Variants in HMX3 observed in about 807,000 individuals in gnomAD.
HMX3 encodes the protein homeobox protein HMX3.
In HMX3, 8 loss-of-function variants were observed where a neutral mutation model predicts 22.8. The observed-to-expected ratio is 0.35, with a 90% confidence interval of 0.21 to 0.63. The LOEUF is 0.63. Among genes scored for constraint, HMX3 ranks in the 30% least tolerant of loss-of-function variants. The pLI is 0.72. For synonymous variants in HMX3, 331 were observed against 250.9 expected (o/e 1.32, Z -3.02); for missense variants, 527 against 520.6 (o/e 1.01, Z -0.12).
Position 123,137,076 on chromosome 10 carries a change from TGA to T in HMX3, c.424_425del (p.Asp142LeufsTer75). ...TCCCCAGCCTCGGAGAAGGCCTTGC[TGA>T]GAGACTCCTCCCCCGCCTCCGGCAC... On this transcript the variant is annotated frameshift_variant, in exon 2 of 2. Transcript: ENST00000357878. LOFTEE classifies it high-confidence loss of function. This position sits in a 1 kb window ranked among gnomAD's most constrained non-coding sequence, Gnocchi z 5.8. 1 of 1,610,048 alleles carries T rather than the reference TGA, an allele frequency of 6.2e-7. No individual in the cohort carries two copies. Among genetic ancestry groups the T allele is most frequent in the Non-Finnish European group, 8.5e-7 (1 of 1,178,742 alleles).
Position 123,136,479 on chromosome 10 carries a change from T to TC in HMX3, c.400+34dup. ...CCGACCTCTCTTTGAACTTTCGTTG[T>TC]CCCCCTGCGCGCCCGCCCCGTCCCC... On this transcript the variant is annotated intron_variant, in intron 1 of 1. Coordinates refer to ENST00000357878, the MANE Select transcript of HMX3 (RefSeq NM_001105574.2). The surrounding 1 kb of genome is among the most constrained non-coding windows in gnomAD (Gnocchi z 4.8). 7.5e-7 allele frequency: 1 copy of TC among 1,330,924 alleles called. No individual in the cohort carries two copies. Among genetic ancestry groups the TC allele is most frequent in the Non-Finnish European group, 9.7e-7 (1 of 1,030,874 alleles). 82.4% of individuals were successfully genotyped at this position (1,330,924 alleles called of 1,614,324 possible).
chr10:123,137,289 A>G lies in HMX3; in HGVS notation c.632A>G (p.Asp211Gly). Residue 211 changes from aspartate (D) to glycine (G), a missense_variant, in exon 2 of 2, where the codon GAC becomes GGC. Transcript: ENST00000357878. The surrounding 1 kb of genome is among the most constrained non-coding windows in gnomAD (Gnocchi z 5.8). ...GAAAATPGAE[D>G]WKKGAESPEK... ...GCGGCGGCCACTCCGGGCGCAGAAGACTGGAAGAAGGGCGCTGAAAGTCCA... is the reference window on the plus strand; with the variant it reads ...GCGGCGGCCACTCCGGGCGCAGAAGGCTGGAAGAAGGGCGCTGAAAGTCCA... 6.2e-7 allele frequency: 1 copy of G among 1,601,176 alleles called. No homozygotes were observed. The highest frequency in any genetic ancestry group is 8.5e-7 in the Non-Finnish European group (1 of 1,174,172).
Position 123,138,047 on chromosome 10 carries a change from C to A in HMX3, c.*316C>A, listed in dbSNP as rs763637878. Among the ~76,000 whole-genome samples, 1 of 152,148 alleles carries A rather than the reference C, an allele frequency of 6.6e-6. No homozygotes were observed. The highest frequency in any genetic ancestry group is 2.4e-5 in the African/African-American group (1 of 41,414). The stretch of plus-strand genomic sequence containing the variant: ...CGATAGTTTTTGTAAAATGTGCAGC[C>A]CTCCCTTCCAAATTTCCATTGCGCG... On this transcript the variant is annotated 3_prime_UTR_variant, in exon 2 of 2. Transcript: ENST00000357878.
Position 123,139,070 on chromosome 10 carries a change from G to T in HMX3, c.*1339G>T, listed in dbSNP as rs1429002883. Among the ~76,000 whole-genome samples the T allele has an allele frequency of 6.6e-6, 1 of 152,276 alleles. No individual in the cohort carries two copies. The highest frequency in any genetic ancestry group is 2.4e-5 in the African/African-American group (1 of 41,546). ...AAAGAAAAAAGTAGGCAGGGGAAAGGGGGGAAGAAAGAAACAAGCTTAGGT... is the reference window on the plus strand; with the variant it reads ...AAAGAAAAAAGTAGGCAGGGGAAAGTGGGGAAGAAAGAAACAAGCTTAGGT... On this transcript the variant is annotated 3_prime_UTR_variant, in exon 2 of 2. Transcript: ENST00000357878.
Position 123,136,089 on chromosome 10 carries a change from C to G in HMX3, c.39C>G (p.Ser13Arg), listed in dbSNP as rs1384925293. Residue 13 changes from serine to arginine, a missense_variant, in exon 1 of 2, where the codon AGC (serine) becomes AGG (arginine). By Grantham distance (110) the Ser-to-Arg change is moderately radical. This residue lies in a region of HMX3 where 386 missense variants were observed against 337.8 expected (regional missense o/e 1.14). Transcript: ENST00000357878. This position sits in a 1 kb window ranked among gnomAD's most constrained non-coding sequence, Gnocchi z 4.8. ...EPGPDAAGTA[S>R]AQPQPPPPPP... ...GGCCGGACGCTGCCGGCACCGCCAGCGCACAGCCCCAACCGCCGCCGCCCC... is the reference window on the plus strand; with the variant it reads ...GGCCGGACGCTGCCGGCACCGCCAGGGCACAGCCCCAACCGCCGCCGCCCC... 1 of 1,401,356 alleles carries G rather than the reference C, an allele frequency of 7.1e-7. No homozygotes were observed. The highest frequency in any genetic ancestry group is 3.1e-5 in the East Asian group (1 of 32,720). 86.8% of individuals were successfully genotyped at this position (1,401,356 alleles called of 1,614,324 possible).
At position 123,137,133 on chromosome 10, in the gene HMX3, A is replaced by T. The variant is rs1191541647; in HGVS notation, c.476A>T (p.Lys159Met). The T allele has an allele frequency of 6.2e-7, 1 of 1,609,652 alleles. No homozygotes were observed. Among genetic ancestry groups the T allele is most frequent in the Non-Finnish European group, 8.5e-7 (1 of 1,178,366 alleles). Residue 159 changes from lysine to methionine, a missense_variant, in exon 2 of 2, where the codon AAG becomes ATG. Transcript: ENST00000357878. The surrounding 1 kb of genome is among the most constrained non-coding windows in gnomAD (Gnocchi z 5.8). ...TDRDSPEPLL[K>M]ADPDHKELDS... ...CGCGACTCTCCGGAGCCACTGCTCA[A>T]GGCCGACCCCGATCACAAGGAGCTG...
rs1228995178 is a variant in HMX3 at position 123,139,246 on chromosome 10, C to T, written c.*1515C>T. On this transcript the variant is annotated 3_prime_UTR_variant, in exon 2 of 2. Coordinates refer to ENST00000357878, the MANE Select transcript of HMX3 (RefSeq NM_001105574.2). ...AGGGCTCCTGGCTCTGTCACCCAAT[C>T]TGTTTTCTTTCTGTCGGTACACCTG... is the stretch of plus-strand genomic sequence containing the variant. Among the ~76,000 whole-genome samples, 1 of 152,114 alleles carries T rather than the reference C, an allele frequency of 6.6e-6. No individual in the cohort carries two copies. The highest frequency in any genetic ancestry group is 1.5e-5 in the Non-Finnish European group (1 of 68,028).
At position 123,137,622 on chromosome 10, in the gene HMX3, C is replaced by A; in HGVS notation, c.965C>A (p.Ala322Glu). 1 of 1,546,276 alleles carries A rather than the reference C, an allele frequency of 6.5e-7. No homozygotes were observed. Reference sequence around the variant, plus strand: ...TCGGCGGCCGAGGGCGCGGCGGCTGCAGCCGCGGGGGCCCCGGTGCCAGTC... The same window carrying A: ...TCGGCGGCCGAGGGCGCGGCGGCTGAAGCCGCGGGGGCCCCGGTGCCAGTC... The part of the protein sequence containing the change: ...ENSAAEGAAA[A>E]AAGAPVPVSQ... The change falls in exon 2 of 2, where the codon GCA becomes GAA. Residue 322 changes from alanine (A) to glutamate (E), a missense_variant. Coordinates refer to ENST00000357878, the MANE Select transcript of HMX3 (RefSeq NM_001105574.2). This position sits in a 1 kb window ranked among gnomAD's most constrained non-coding sequence, Gnocchi z 5.8.
Position 123,136,386 on chromosome 10 carries a change from C to G in HMX3, c.336C>G (p.Arg112=). ...RFALPAHYLE[R]SPAWWYPYTL... is the part of the protein sequence containing the mutation. ...CCCTGCCCGCGCACTACCTGGAGCG[C>G]TCCCCAGCCTGGTGGTACCCCTACA... Residue 112 remains arginine, a synonymous_variant, in exon 1 of 2, where the codon CGC becomes CGG. Coordinates refer to ENST00000357878, the MANE Select transcript of HMX3 (RefSeq NM_001105574.2). The surrounding 1 kb of genome is among the most constrained non-coding windows in gnomAD (Gnocchi z 4.8). The G allele has an allele frequency of 6.4e-7, 1 of 1,561,308 alleles. No individual in the cohort carries two copies. Among genetic ancestry groups the G allele is most frequent in the East Asian group, 2.6e-5 (1 of 38,854 alleles).
chr10:123,138,772 A>G lies in HMX3; in HGVS notation c.*1041A>G, dbSNP rs190117365. Among the ~76,000 whole-genome samples, 4 of 152,380 alleles carry G rather than the reference A, an allele frequency of 2.6e-5. No homozygotes were observed. In the East Asian group the frequency reaches 7.7e-4, roughly 29 times the overall value. On this transcript the variant is annotated 3_prime_UTR_variant, in exon 2 of 2. Transcript: ENST00000357878. ...AACAGCTCCATATCTGGCCTGGTCT[A>G]AGTGGTCTTATTTATTAGTAGCATT... is the stretch of plus-strand genomic sequence containing the variant.
chr10:123,136,398 G>C lies in HMX3; in HGVS notation c.348G>C (p.Trp116Cys). The C allele has an allele frequency of 1.9e-6, 3 of 1,559,510 alleles. No homozygotes were observed. The highest frequency in any genetic ancestry group is 1.7e-4 in the Middle Eastern group (1 of 5,900). ...PAHYLERSPA[W>C]WYPYTLTPAG... The stretch of plus-strand genomic sequence containing the variant: ...ACTACCTGGAGCGCTCCCCAGCCTG[G>C]TGGTACCCCTACACCCTGACCCCCG... The change falls in exon 1 of 2, where the codon TGG becomes TGC. Residue 116 changes from tryptophan to cysteine, a missense_variant. Around this residue, in one of 3 missense-constraint regions of HMX3, gnomAD observed 386 missense variants for 337.8 expected, o/e 1.14. Coordinates refer to ENST00000357878, the MANE Select transcript of HMX3 (RefSeq NM_001105574.2). The surrounding 1 kb of genome is among the most constrained non-coding windows in gnomAD (Gnocchi z 4.8).
rs2421173 is a variant in HMX3 at position 123,136,691 on chromosome 10, C to T, written c.400+241C>T. Among the ~76,000 whole-genome samples, 1 of 152,126 alleles carries T rather than the reference C, an allele frequency of 6.6e-6. No homozygotes were observed. The highest frequency in any genetic ancestry group is 1.5e-5 in the Non-Finnish European group (1 of 68,032). On this transcript the variant is annotated intron_variant, in intron 1 of 1. Coordinates refer to ENST00000357878, the MANE Select transcript of HMX3 (RefSeq NM_001105574.2). This position sits in a 1 kb window ranked among gnomAD's most constrained non-coding sequence, Gnocchi z 4.8. ...CGGTGCTTCCCGGGAAAAGTGGCCT[C>T]GGGCGTGAATAGGGAGGCTTCGGAC...
Position 123,136,233 on chromosome 10 carries a change from T to TGCCGCC in HMX3, c.195_200dup (p.Ala72_Ala73dup), listed in dbSNP as rs956236050. The TGCCGCC allele has an allele frequency of 1.9e-5, 25 of 1,334,372 alleles. No homozygotes were observed. Among genetic ancestry groups the TGCCGCC allele is most frequent in the African/African-American group, 1.1e-4 (7 of 64,544 alleles). The allele number at this position is 1,334,372 out of a possible 1,614,324, so 82.7% of individuals were successfully genotyped here. ...GGACGCTCTTCGCGCCAGCCTCGGC[T>TGCCGCC]GCCGCCGCCGCCGCCGCTGCCGCTG... On this transcript the variant is annotated inframe_insertion, in exon 1 of 2. Coordinates refer to ENST00000357878, the MANE Select transcript of HMX3 (RefSeq NM_001105574.2). The surrounding 1 kb of genome is among the most constrained non-coding windows in gnomAD (Gnocchi z 4.8).
chr10:123,139,408 G>T lies in HMX3; in HGVS notation c.*1677G>T, dbSNP rs1410136842. Among the ~76,000 whole-genome samples, 2 of 151,920 alleles carry T rather than the reference G, an allele frequency of 1.3e-5. No individual in the cohort carries two copies. Among genetic ancestry groups the T allele is most frequent in the African/African-American group, 2.4e-5 (1 of 41,366 alleles). ...GTCGTGACATTGAATTAATTAAAAA[G>T]AAAAGAAAAGCTTTACGTGTTGCCA... On this transcript the variant is annotated 3_prime_UTR_variant, in exon 2 of 2. Transcript: ENST00000357878.
chr10:123,139,386 G>A lies in HMX3; in HGVS notation c.*1655G>A, dbSNP rs185502694. Among the ~76,000 whole-genome samples, 183 of 151,958 alleles carry A rather than the reference G, an allele frequency of 1.2e-3. 1 individual carries two copies. Among genetic ancestry groups the A allele is most frequent in the Non-Finnish European group, 1.9e-3 (130 of 67,972 alleles). ...AAAATATTGTTACACTAATGTTGTC[G>A]TGACATTGAATTAATTAAAAAGAAA... On this transcript the variant is annotated 3_prime_UTR_variant, in exon 2 of 2. Transcript: ENST00000357878.
At position 123,136,152 on chromosome 10, in the gene HMX3, G is replaced by A; in HGVS notation, c.102G>A (p.Lys34=). Residue 34 remains lysine (K), a synonymous_variant, in exon 1 of 2, where the codon AAG becomes AAA. Coordinates refer to ENST00000357878, the MANE Select transcript of HMX3 (RefSeq NM_001105574.2). The surrounding 1 kb of genome is among the most constrained non-coding windows in gnomAD (Gnocchi z 4.8). The stretch of plus-strand genomic sequence containing the variant: ...CCAAGGAGTCCCCGTTCTCCATCAA[G>A]AACCTGCTCAACGGAGACCACCACC... ...PAPKESPFSI[K]NLLNGDHHRP... 1.6e-6 allele frequency: 2 copies of A among 1,244,920 alleles called. No homozygotes were observed. Among genetic ancestry groups the A allele is most frequent in the Admixed American group, 3.4e-5 (1 of 29,846 alleles). The allele number at this position is 1,244,920 out of a possible 1,614,324, so 77.1% of individuals were successfully genotyped here.
Position 123,137,463 on chromosome 10 carries a change from C to T in HMX3, c.806C>T (p.Thr269Met). 1 of 1,613,248 alleles carries T rather than the reference C, an allele frequency of 6.2e-7. No homozygotes were observed. ...GLAASLHLTE[T>M]QVKIWFQNRR... The stretch of plus-strand genomic sequence containing the variant: ...GCCGCGTCCCTGCACCTCACCGAGA[C>T]GCAGGTCAAGATCTGGTTCCAGAAC... Residue 269 changes from threonine (T) to methionine (M), a missense_variant, in exon 2 of 2, where the codon ACG becomes ATG. Coordinates refer to ENST00000357878, the MANE Select transcript of HMX3 (RefSeq NM_001105574.2). This position sits in a 1 kb window ranked among gnomAD's most constrained non-coding sequence, Gnocchi z 5.8.
In HMX3 at chr10:123,137,564, A is replaced by T. The variant is rs1304143754; in HGVS notation, c.907A>T (p.Ile303Phe). Residue 303 changes from isoleucine (I) to phenylalanine (F), a missense_variant, in exon 2 of 2, where the codon ATC becomes TTC. Transcript: ENST00000357878. The surrounding 1 kb of genome is among the most constrained non-coding windows in gnomAD (Gnocchi z 5.8). Reference protein sequence around the residue: ...ANLSHAAAQRIVRVPILYHEN... With the variant: ...ANLSHAAAQRFVRVPILYHEN... Reference sequence around the variant, plus strand: ...CCTGAGCCATGCCGCGGCGCAGCGCATCGTGCGGGTGCCCATCCTCTACCA... The same window carrying T: ...CCTGAGCCATGCCGCGGCGCAGCGCTTCGTGCGGGTGCCCATCCTCTACCA... 1 of 1,608,316 alleles carries T rather than the reference A, an allele frequency of 6.2e-7. No homozygotes were observed. Among genetic ancestry groups the T allele is most frequent in the African/African-American group, 1.3e-5 (1 of 74,862 alleles).
rs771407631 is a variant in HMX3 at position 123,137,553 on chromosome 10, C to T, written c.896C>T (p.Ala299Val). Residue 299 changes from alanine (A) to valine (V), a missense_variant, in exon 2 of 2, where the codon GCG (alanine) becomes GTG (valine). Physicochemically the swap from Ala to Val is moderately conservative, Grantham distance 64. Coordinates refer to ENST00000357878, the MANE Select transcript of HMX3 (RefSeq NM_001105574.2). This position sits in a 1 kb window ranked among gnomAD's most constrained non-coding sequence, Gnocchi z 5.8. ...GAGGCGGCCAACCTGAGCCATGCCG[C>T]GGCGCAGCGCATCGTGCGGGTGCCC... ...ELEAANLSHA[A>V]AQRIVRVPIL... is the part of the protein sequence containing the mutation. The T allele has an allele frequency of 1.9e-6, 3 of 1,609,718 alleles. No individual in the cohort carries two copies. The highest frequency in any genetic ancestry group is 1.7e-6 in the Non-Finnish European group (2 of 1,179,136).
Sources: gnomAD v4.1 joint callset for allele counts (sites outside exome capture counted in the v4.1 genomes callset) on GRCh38, gnomAD v4.1.1 for gene constraint, gnomAD v4.1.1 regional missense constraint, Gnocchi (gnomAD v3.1) non-coding constraint, MANE v1.5 for transcripts, NCBI Gene and HGNC (gene_info 2026-07-23, HGNC 2026-07-21) for gene names.